Variants in CNTNAP2 observed in about 807,000 individuals in gnomAD.
The protein encoded by CNTNAP2 is contactin-associated protein-like 2.
Under a neutral mutation model 155.2 loss-of-function variants are expected in CNTNAP2, and 98 were observed. The observed-to-expected ratio is 0.63, with a 90% CI of 0.54 to 0.75. The LOEUF (loss-of-function observed/expected upper bound fraction) is 0.75, where lower values mean the gene tolerates loss of function less well. Among genes scored for constraint, CNTNAP2 ranks in the 30% least tolerant of loss-of-function variants. CNTNAP2 has a pLI of 0.00. For missense variants in CNTNAP2, 1,727 were observed against 1,688.1 expected, an observed-to-expected ratio of 1.02 and a Z score of -0.40; for synonymous variants, 651 against 631.2, an observed-to-expected ratio of 1.03 and a Z score of -0.47.
intron 15 of CNTNAP2, among the ~76,000 whole-genome samples, chr7:148,081,765 A>G (rs1585115754): frequency 6.6e-6 from 1 of 152,118 alleles, no homozygotes; most frequent in African/African-American, 2.4e-5. Context: ...TGTCTCCAGG[A>G]AACTGAGGCC....
At chr7:146,443,418 C>G (rs1796356383) in intron 1 of CNTNAP2, among the ~76,000 whole-genome samples, 1 of 151,786 alleles carries the variant, frequency 6.6e-6, no homozygotes, top group Non-Finnish European at 1.5e-5. Context: ...CCACCCCTTT[C>G]ATTCATACCA....
intron 3 of CNTNAP2, among the ~76,000 whole-genome samples, chr7:146,910,299 A>T (rs1309515498): frequency 2.7e-5 from 4 of 150,094 alleles, no homozygotes; most frequent in Non-Finnish European, 5.9e-5. Flanking sequence ...AATTGGAAAA[A>T]GCTACTTTAA....
chr7:147,346,806 T>C (rs1795871537), intron 9 of CNTNAP2, among the ~76,000 whole-genome samples: 1 of 152,224 alleles, frequency 6.6e-6, no homozygotes, highest in African/African-American at 2.4e-5. Context: ...CTTTGCGTAG[T>C]CTTTTTCAAA....
At chr7:147,139,558 C>T (rs1318116699) in intron 8 of CNTNAP2, among the ~76,000 whole-genome samples, 1 of 152,020 alleles carries the variant, frequency 6.6e-6, no homozygotes, top group Non-Finnish European at 1.5e-5. Flanking sequence ...ATTAACTTGA[C>T]CAGGAAATTC....
chr7:148,143,836 A>G (rs917989816), intron 16 of CNTNAP2, among the ~76,000 whole-genome samples: 1 of 152,144 alleles, frequency 6.6e-6, no homozygotes, highest in South Asian at 2.1e-4. Context: ...GGGGCAGAAA[A>G]GGGACTGTCT....
rs851711 is a variant in CNTNAP2, at chr7:147,831,760, A to C, written c.2099-71805A>C. 686 of 152,326 alleles carry C rather than the reference A, an allele frequency of 4.5e-3. 2 individuals carry two copies. Among genetic ancestry groups the C allele is most frequent in the African/African-American group, 0.016 (654 of 41,580 alleles). 9.4% of individuals were successfully genotyped at this position (152,326 alleles called of 1,614,324 possible). ...CATTTTAGTTGCTTAACAGATTTAA[A>C]TGTTACATTGCGCTTGCTTTGGCAG... On this transcript the variant is annotated intron_variant, in intron 13 of 23. Transcript: ENST00000361727.
intron 1 of CNTNAP2, among the ~76,000 whole-genome samples, chr7:146,127,184 C>A (rs1172732976): frequency 6.6e-6 from 1 of 152,196 alleles, no homozygotes; most frequent in Non-Finnish European, 1.5e-5. Flanking sequence ...TACCTTGTTA[C>A]ATTTTGTCCC....
intron 1 of CNTNAP2, among the ~76,000 whole-genome samples, chr7:146,572,053 T>A (rs1563139934): frequency 6.6e-6 from 1 of 152,128 alleles, no homozygotes; most frequent in Non-Finnish European, 1.5e-5. Flanking sequence ...GTTCTGTGGG[T>A]TGCTTGGAAA....
intron 4 of CNTNAP2, among the ~76,000 whole-genome samples, chr7:147,057,398 A>G (rs932728562): frequency 3.9e-5 from 6 of 151,990 alleles, no homozygotes; most frequent in South Asian, 2.1e-4. Context: ...TTCTTCTTAT[A>G]TCTTCTTTCT....
At chr7:147,614,417 G>A (rs1427486697) in intron 12 of CNTNAP2, among the ~76,000 whole-genome samples, 2 of 151,772 alleles carry the variant, frequency 1.3e-5, no homozygotes, top group African/African-American at 2.4e-5. Context: ...TATATTTTGT[G>A]AGATTTTGTT....
intron 1 of CNTNAP2, among the ~76,000 whole-genome samples, chr7:146,744,586 G>A (rs1363588955): frequency 6.6e-6 from 1 of 152,148 alleles, no homozygotes; most frequent in Non-Finnish European, 1.5e-5. Context: ...GCTTGAAAAT[G>A]GAGTTGTTAA....
chr7:146,979,932 G>T (rs145019085), intron 3 of CNTNAP2, among the ~76,000 whole-genome samples: 14 of 152,254 alleles, frequency 9.2e-5, no homozygotes, highest in Non-Finnish European at 2.1e-4. Flanking sequence ...TGTTAGGTTG[G>T]TGCAAAATAA....
At chr7:148,118,859 T>C (rs1275892344) in intron 16 of CNTNAP2, among the ~76,000 whole-genome samples, 2 of 152,094 alleles carry the variant, frequency 1.3e-5, no homozygotes, top group East Asian at 3.9e-4. Context: ...ACAGAGACAA[T>C]AAGAGGCAGA....
chr7:147,318,938 TGTG>T (rs1362611247), intron 9 of CNTNAP2, among the ~76,000 whole-genome samples: 1 of 152,134 alleles, frequency 6.6e-6, no homozygotes, highest in Non-Finnish European at 1.5e-5. Context: ...AAGAGTTTCA[TGTG>T]GTAGGAAACA....
chr7:146,788,879 TATA>T (rs1485531986), intron 2 of CNTNAP2, among the ~76,000 whole-genome samples: 1 of 152,184 alleles, frequency 6.6e-6, no homozygotes, highest in Non-Finnish European at 1.5e-5. Context: ...TCTCAGAACT[TATA>T]ATGAAGTATT....
At chr7:146,796,726 T>C (rs1563234358) in intron 2 of CNTNAP2, among the ~76,000 whole-genome samples, 1 of 152,118 alleles carries the variant, frequency 6.6e-6, no homozygotes, top group Admixed American at 6.5e-5. Context: ...TCAACTTCCT[T>C]ATCTATACCA....
chr7:146,858,803 A>G (rs1166610852), intron 3 of CNTNAP2, among the ~76,000 whole-genome samples: 2 of 152,180 alleles, frequency 1.3e-5, no homozygotes, highest in South Asian at 4.1e-4. Context: ...TTGCATTTTT[A>G]TTATAATGTA....
At chr7:146,893,461 A>G (rs935697914) in intron 3 of CNTNAP2, among the ~76,000 whole-genome samples, 12 of 114,248 alleles carry the variant, frequency 1.1e-4, no homozygotes, top group Non-Finnish European at 1.7e-4. Flanking sequence ...GTGTGTGTGT[A>G]TATATATACA....
At chr7:147,906,617 GC>G (rs769685907) in intron 14 of CNTNAP2, among the ~76,000 whole-genome samples, 2 of 151,662 alleles carry the variant, frequency 1.3e-5, no homozygotes, top group Non-Finnish European at 2.9e-5. Flanking sequence ...CCACCACCAT[GC>G]CCAGCTAATT....
Sources: allele counts gnomAD v4.1 joint callset (sites outside exome capture counted in the v4.1 genomes callset), GRCh38; gene constraint gnomAD v4.1.1; transcripts MANE v1.5; gene names NCBI Gene and HGNC (gene_info 2026-07-23, HGNC 2026-07-21).